The following SDK1 variants were observed in gnomAD, a reference collection of about 807,000 sequenced individuals.
SDK1 encodes the protein protein sidekick-1.
Under a neutral mutation model 245.5 loss-of-function variants are expected in SDK1, and 157 were observed. That is an observed-to-expected ratio of 0.64 (90% confidence interval 0.56 to 0.73). The LOEUF is 0.73. Ranked by LOEUF, SDK1 falls within the 30% of genes least tolerant of loss-of-function variation. The probability of loss-of-function intolerance (pLI) is 0.00; values close to 1 mark genes in which losing one functional copy is unlikely to be tolerated. For synonymous variants in SDK1, 1,647 were observed against 1,278.5 expected, an observed-to-expected ratio of 1.29 and a Z score of -6.15; for missense variants, 3,583 against 3,002.3, an observed-to-expected ratio of 1.19 and a Z score of -4.52.
chr7:3,391,441 T>A (rs1038117328), intron 1 of SDK1, among the ~76,000 whole-genome samples: 1 of 151,944 alleles, frequency 6.6e-6, no homozygotes, highest in Non-Finnish European at 1.5e-5. Flanking sequence ...TTTCTGGAGG[T>A]CTTGCTTAAG....
rs560646840 is a variant in SDK1 at position 3,537,567 on chromosome 7, G to A, written c.299-81513G>A. On this transcript the variant is annotated intron_variant, in intron 1 of 44. Transcript: ENST00000404826. ...CACCATGACTCTTTGGGGTTGAAAAGAATAACAAACTGCAAGCTTGTTTAA... is the reference window on the plus strand; with the variant it reads ...CACCATGACTCTTTGGGGTTGAAAAAAATAACAAACTGCAAGCTTGTTTAA... 9.2e-5 allele frequency among the ~76,000 whole-genome samples: 14 copies of A among 152,296 alleles called. 2 individuals carry two copies. The East Asian group carries it at 1.4e-3, about 15-fold the overall frequency.
chr7:3,949,546 G>C (rs564493344), intron 5 of SDK1, among the ~76,000 whole-genome samples: 1 of 152,318 alleles, frequency 6.6e-6, no homozygotes, highest in African/African-American at 2.4e-5. Flanking sequence ...GTGAAGCCCA[G>C]ATGAAGCGTT....
chr7:3,582,003 CCCTCAGGTAGGCCTG>C (rs1266398964), intron 1 of SDK1, among the ~76,000 whole-genome samples: 1 of 152,076 alleles, frequency 6.6e-6, no homozygotes, highest in African/African-American at 2.4e-5. Flanking sequence ...GTGGAAGCCT[CCCTCAGGTAGGCCTG>C]TCTCAGGTAG....
intron 1 of SDK1, among the ~76,000 whole-genome samples, chr7:3,587,165 A>C (rs1207985000): frequency 6.6e-6 from 1 of 152,188 alleles, no homozygotes; most frequent in Non-Finnish European, 1.5e-5. Context: ...ACCTAGGGAA[A>C]AGGAAAGAAC....
At chr7:3,623,179 C>A (rs1479714101) in intron 2 of SDK1, among the ~76,000 whole-genome samples, 1 of 151,240 alleles carries the variant, frequency 6.6e-6, no homozygotes, top group Non-Finnish European at 1.5e-5. Flanking sequence ...CTAGCTTTGA[C>A]TTAAAATAAC....
At chr7:3,784,023 G>A (rs964878131) in intron 4 of SDK1, among the ~76,000 whole-genome samples, 11 of 151,862 alleles carry the variant, frequency 7.2e-5, no homozygotes, top group African/African-American at 2.7e-4. Context: ...ACAGACTAGA[G>A]ACCCCAGAAA....
intron 4 of SDK1, among the ~76,000 whole-genome samples, chr7:3,798,339 T>C (rs1287160830): frequency 6.7e-6 from 1 of 148,640 alleles, no homozygotes; most frequent in Non-Finnish European, 1.5e-5. Flanking sequence ...TGCCTCAGCC[T>C]CCCGAGTAGC....
At chr7:3,984,192 G>C (rs1350703478) in intron 13 of SDK1, among the ~76,000 whole-genome samples, 1 of 152,114 alleles carries the variant, frequency 6.6e-6, no homozygotes, top group East Asian at 1.9e-4. Context: ...TAGCTGAGAG[G>C]GGGCAGAGGG....
intron 1 of SDK1, among the ~76,000 whole-genome samples, chr7:3,617,699 C>A (rs1011594482): frequency 7.9e-5 from 12 of 152,200 alleles, no homozygotes; most frequent in African/African-American, 2.4e-4. Flanking sequence ...GGGGGCCCAA[C>A]TTACCCTTTT....
At chr7:4,110,465 A>G (rs990608643) in intron 22 of SDK1, among the ~76,000 whole-genome samples, 198 bp from the exon 23 acceptor site, 45 of 152,300 alleles carry the variant, frequency 3.0e-4, no homozygotes, top group Middle Eastern at 3.4e-3. Flanking sequence ...AAACTCACCC[A>G]GACTTGATGG....
chr7:3,381,755 G>C (rs1241299858), intron 1 of SDK1, among the ~76,000 whole-genome samples: 1 of 152,146 alleles, frequency 6.6e-6, no homozygotes, highest in Non-Finnish European at 1.5e-5. Context: ...AAGGTGTGTG[G>C]ACAGAAATTC....
intron 14 of SDK1, among the ~76,000 whole-genome samples, chr7:3,998,091 G>A (rs1378447897): frequency 6.6e-6 from 1 of 152,226 alleles, no homozygotes. Context: ...GCACAAGGAG[G>A]CTAGGATCTG....
chr7:3,639,842 T>TAATA (rs148865351), intron 3 of SDK1, among the ~76,000 whole-genome samples: 55 of 151,640 alleles, frequency 3.6e-4, no homozygotes, highest in African/African-American at 1.3e-3. Flanking sequence ...CATATATATG[T>TAATA]TATATATATA....
At chr7:3,940,650 C>T (rs969801021) in intron 5 of SDK1, among the ~76,000 whole-genome samples, 4 of 151,700 alleles carry the variant, frequency 2.6e-5, no homozygotes, top group African/African-American at 9.7e-5. Flanking sequence ...CGATGAAACC[C>T]CGTCTACTAA....
At position 3,582,273 on chromosome 7, in the gene SDK1, C is replaced by G. The variant is rs938458681; in HGVS notation, c.299-36807C>G. ...AGGTAGGTCTGCCTCAGGTAGGTCTCCCTCAGGTAGGTCTGTCTCAGGTAG... is the reference window on the plus strand; with the variant it reads ...AGGTAGGTCTGCCTCAGGTAGGTCTGCCTCAGGTAGGTCTGTCTCAGGTAG... On this transcript the variant is annotated intron_variant, in intron 1 of 44. Coordinates refer to ENST00000404826, the MANE Select transcript of SDK1 (RefSeq NM_152744.4). 2.7e-3 allele frequency among the ~76,000 whole-genome samples: 396 copies of G among 144,680 alleles called. 1 individual carries two copies. Among genetic ancestry groups the G allele is most frequent in the South Asian group, 8.3e-3 (37 of 4,432 alleles). 94.9% of individuals were successfully genotyped at this position (144,680 alleles called of 152,430 possible). A position where few individuals can be genotyped will look rare whatever the true frequency, so the allele number is the denominator to read the frequency against.
At chr7:3,398,178 C>T (rs966611752) in intron 1 of SDK1, among the ~76,000 whole-genome samples, 4 of 152,048 alleles carry the variant, frequency 2.6e-5, no homozygotes, top group African/African-American at 9.7e-5. Context: ...TTTAGTTTCC[C>T]GTAGTATCCT....
At chr7:4,172,861 C>G (rs1206591490) in intron 32 of SDK1, among the ~76,000 whole-genome samples, 1 of 152,172 alleles carries the variant, frequency 6.6e-6, no homozygotes, top group Non-Finnish European at 1.5e-5. Flanking sequence ...TCCAAACTTC[C>G]CTCTTCTCAT....
intron 38 of SDK1, among the ~76,000 whole-genome samples, chr7:4,213,820 C>T (rs998172855): frequency 4.6e-5 from 7 of 152,176 alleles, no homozygotes; most frequent in Non-Finnish European, 7.4e-5. Flanking sequence ...TTGTTCGTTT[C>T]ATGACAGTTT....
intron 5 of SDK1, among the ~76,000 whole-genome samples, chr7:3,912,139 G>A (rs1416831155): frequency 4.6e-5 from 7 of 152,176 alleles, no homozygotes; most frequent in African/African-American, 7.2e-5. Flanking sequence ...TTGTTCCCTC[G>A]TTGAAGGTTT....
Sources: gnomAD v4.1 joint callset for allele counts (sites outside exome capture counted in the v4.1 genomes callset) on GRCh38, gnomAD v4.1.1 for gene constraint, MANE v1.5 for transcripts, NCBI Gene and HGNC (gene_info 2026-07-23, HGNC 2026-07-21) for gene names.